DCC: variants seen among roughly 807,000 people sequenced by gnomAD.
DCC encodes the protein netrin receptor DCC.
A neutral mutation model predicts 172.5 loss-of-function variants in DCC; 58 were observed. The ratio of observed to expected loss-of-function variants is 0.34; its 90% CI spans 0.27 to 0.42. The LOEUF is 0.42. DCC is among the 10% of genes least tolerant of loss of function. The pLI is 1.00. For missense variants in DCC, 1,740 were observed against 1,791.0 expected, an observed-to-expected ratio of 0.97 and a Z score of 0.51; for synonymous variants, 709 against 644.5, an observed-to-expected ratio of 1.10 and a Z score of -1.52.
intron 2 of DCC, among the ~76,000 whole-genome samples, chr18:52,787,544 C>A (rs908107033): frequency 6.6e-6 from 1 of 151,964 alleles, no homozygotes; most frequent in South Asian, 2.1e-4. Context: ...TGGAACATAT[C>A]TTAGTATTAT....
chr18:53,031,056 C>A (rs559932968), intron 5 of DCC, among the ~76,000 whole-genome samples: 2 of 152,072 alleles, frequency 1.3e-5, no homozygotes, highest in Non-Finnish European at 2.9e-5. Flanking sequence ...GTCAAGAGTT[C>A]GAGACCAGCC....
intron 1 of DCC, among the ~76,000 whole-genome samples, chr18:52,505,833 A>G (rs1428210020): frequency 6.6e-6 from 1 of 152,238 alleles, no homozygotes; most frequent in African/African-American, 2.4e-5. Context: ...TGATTCTGTC[A>G]GAATAGCATT....
chr18:52,936,275 T>A lies in DCC; in HGVS notation c.985+10905T>A, dbSNP rs778107596. On this transcript the variant is annotated intron_variant, in intron 5 of 28. Transcript: ENST00000442544. Reference sequence around the variant, plus strand: ...TGTTTAAAAGATTCTGTTGAATATTTATATGAATTAGAAGAAGAGACAATG... The same window carrying A: ...TGTTTAAAAGATTCTGTTGAATATTAATATGAATTAGAAGAAGAGACAATG... Among the ~76,000 whole-genome samples the A allele has an allele frequency of 2.4e-5, 3 of 125,516 alleles. 1 individual carries two copies. The highest frequency in any genetic ancestry group is 3.8e-5 in the Non-Finnish European group (2 of 52,482). 82.3% of individuals were successfully genotyped at this position (125,516 alleles called of 152,430 possible).
chr18:52,926,289 G>T (rs771486600), intron 5 of DCC, among the ~76,000 whole-genome samples: 2 of 151,778 alleles, frequency 1.3e-5, no homozygotes, highest in African/African-American at 2.4e-5. Context: ...TGTCTTCAAA[G>T]GTTATTCAGA....
intron 5 of DCC, among the ~76,000 whole-genome samples, chr18:53,048,577 G>A (rs13381767): frequency 0.68 from 101,191 of 148,750 alleles, 36,398 homozygotes; most frequent in African/African-American, 0.9. Context: ...GTATGTGTGT[G>A]TATATATATA....
intron 12 of DCC, among the ~76,000 whole-genome samples, chr18:53,224,503 C>G (rs2055994373): frequency 6.6e-6 from 1 of 152,086 alleles, no homozygotes; most frequent in Non-Finnish European, 1.5e-5. Flanking sequence ...AAGAATTACA[C>G]TGACTACTGT....
chr18:52,617,248 A>G (rs1348143129), intron 1 of DCC, among the ~76,000 whole-genome samples: 2 of 152,192 alleles, frequency 1.3e-5, no homozygotes, highest in African/African-American at 4.8e-5. Flanking sequence ...TATTAAAAAC[A>G]AAATAAAACT....
chr18:53,412,123 G>A (rs1236169445), intron 20 of DCC, among the ~76,000 whole-genome samples: 1 of 152,040 alleles, frequency 6.6e-6, no homozygotes. Flanking sequence ...ATTTCATTTG[G>A]TACTGTTTAC....
At chr18:52,832,011 A>G (rs956961702) in intron 2 of DCC, among the ~76,000 whole-genome samples, 5 of 152,214 alleles carry the variant, frequency 3.3e-5, no homozygotes, top group African/African-American at 1.2e-4. Context: ...TCAGCTTCGT[A>G]CCTTCTTCTA....
chr18:53,018,234 A>G (rs2041834833), intron 5 of DCC, among the ~76,000 whole-genome samples: 1 of 152,208 alleles, frequency 6.6e-6, no homozygotes, highest in Non-Finnish European at 1.5e-5. Context: ...GCAACATGAC[A>G]CCAACTCCTG....
At chr18:53,423,700 TTTC>T (rs1481874742) in intron 21 of DCC, among the ~76,000 whole-genome samples, 1 of 152,226 alleles carries the variant, frequency 6.6e-6, no homozygotes, top group African/African-American at 2.4e-5. Context: ...GTGTTTTCCA[TTTC>T]TTCTTATACT....
chr18:52,838,795 T>C (rs866372664), intron 2 of DCC, among the ~76,000 whole-genome samples: 5 of 152,290 alleles, frequency 3.3e-5, no homozygotes, highest in Middle Eastern at 3.4e-3. Flanking sequence ...GTGAATTTCA[T>C]AGGAGTTCAT....
intron 1 of DCC, among the ~76,000 whole-genome samples, chr18:52,433,786 C>T (rs1987702641): frequency 6.6e-6 from 1 of 152,052 alleles, no homozygotes; most frequent in South Asian, 2.1e-4. Context: ...CATGGGAAGT[C>T]CTATTTTTGT....
chr18:53,357,700 T>C (rs1316198909), intron 15 of DCC, among the ~76,000 whole-genome samples: 1 of 152,168 alleles, frequency 6.6e-6, no homozygotes, highest in Non-Finnish European at 1.5e-5. Flanking sequence ...AAAGAAGTCA[T>C]TTAATGGTAA....
chr18:53,020,636 G>T (rs1414840065), intron 5 of DCC, among the ~76,000 whole-genome samples: 1 of 152,096 alleles, frequency 6.6e-6, no homozygotes, highest in East Asian at 1.9e-4. Context: ...AATATCTATT[G>T]AGGCAATGAG....
At chr18:53,313,182 T>C (rs570231693) in intron 13 of DCC, among the ~76,000 whole-genome samples, 8 of 152,302 alleles carry the variant, frequency 5.3e-5, no homozygotes, top group Non-Finnish European at 7.4e-5. Context: ...GTGGTGGTTA[T>C]TGTTGGTATA....
At position 52,497,281 on chromosome 18, in the gene DCC, ATAT is replaced by A. The variant is rs1160566300; in HGVS notation, c.91+156404_91+156406del. On this transcript the variant is annotated intron_variant, in intron 1 of 28. Coordinates refer to ENST00000442544, the MANE Select transcript of DCC (RefSeq NM_005215.4). ...GTATCAAAAAAAAAAAAAAAAAAAA[ATAT>A]ATATATATATATATATATATATATA... 1.3e-3 allele frequency among the ~76,000 whole-genome samples: 26 copies of A among 20,356 alleles called. 3 individuals carry two copies. The highest frequency in any genetic ancestry group is 1.9e-3 in the Non-Finnish European group (19 of 10,258). 13.4% of individuals were successfully genotyped at this position (20,356 alleles called of 152,430 possible).
intron 2 of DCC, among the ~76,000 whole-genome samples, chr18:52,808,909 A>C (rs17469990): frequency 0.036 from 5,504 of 152,290 alleles, 141 homozygotes; most frequent in Admixed American, 0.052. Flanking sequence ...TGACCAATTA[A>C]AGCTCTTTCT....
chr18:52,767,114 G>A (rs2037266502), intron 2 of DCC, among the ~76,000 whole-genome samples: 1 of 150,462 alleles, frequency 6.6e-6, no homozygotes, highest in Admixed American at 6.6e-5. Context: ...TGGGCCCTCT[G>A]CAAACATACG....
Sources: allele counts gnomAD v4.1 joint callset (sites outside exome capture counted in the v4.1 genomes callset), GRCh38; gene constraint gnomAD v4.1.1; transcripts MANE v1.5; gene names NCBI Gene and HGNC (gene_info 2026-07-23, HGNC 2026-07-21).